The following SH3RF2 variants were observed in gnomAD, a reference collection of about 807,000 sequenced individuals.
The protein encoded by SH3RF2 is SH3 domain containing ring finger 2, also known as E3 ubiquitin-protein ligase SH3RF2.
SH3RF2 carries 43 observed loss-of-function variants against 59.0 expected under a neutral mutation model. The ratio of observed to expected loss-of-function variants is 0.73; its 90% confidence interval spans 0.57 to 0.94. The LOEUF is 0.94. SH3RF2 is among the 40% of genes least tolerant of loss of function. The pLI is 0.00. For missense variants in SH3RF2, 930 were observed against 940.1 expected (o/e 0.99, Z 0.14); for synonymous variants, 391 against 391.5 (o/e 1.00, Z 0.01).
intron 5 of SH3RF2, among the ~76,000 whole-genome samples, chr5:146,036,113 G>A (rs115776705): frequency 0.011 from 1,622 of 152,288 alleles, 11 homozygotes; most frequent in Non-Finnish European, 0.015. Context: ...GTTAGGATGA[G>A]GAGGGCAAGG....
chr5:145,981,801 A>C (rs934730088), intron 2 of SH3RF2, among the ~76,000 whole-genome samples: 1 of 152,224 alleles, frequency 6.6e-6, no homozygotes, highest in Non-Finnish European at 1.5e-5. Flanking sequence ...ATAACCACAG[A>C]TGGGCAGTGG....
chr5:145,962,309 G>A (rs181594594), intron 2 of SH3RF2, among the ~76,000 whole-genome samples: 70 of 152,286 alleles, frequency 4.6e-4, no homozygotes, highest in African/African-American at 1.5e-3. Context: ...GATCCTGTGC[G>A]ACAAATATCT....
intron 2 of SH3RF2, among the ~76,000 whole-genome samples, chr5:145,956,521 C>T (rs1259217243): frequency 2.0e-5 from 3 of 152,188 alleles, no homozygotes; most frequent in African/African-American, 7.2e-5. Flanking sequence ...AGTGATCCAC[C>T]TGCCTCAGCC....
At chr5:146,002,022 G>T (rs1417413902) in intron 3 of SH3RF2, among the ~76,000 whole-genome samples, 1 of 152,168 alleles carries the variant, frequency 6.6e-6, no homozygotes, top group Non-Finnish European at 1.5e-5. Flanking sequence ...ATGCATGCAT[G>T]CATTCAATAA....
At chr5:146,035,312 T>C (rs1235360193) in intron 5 of SH3RF2, among the ~76,000 whole-genome samples, 1 of 152,154 alleles carries the variant, frequency 6.6e-6, no homozygotes, top group Non-Finnish European at 1.5e-5. Context: ...AAATTATTTC[T>C]GGGCTCACTA....
At chr5:145,987,449 A>G (rs1056843148) in intron 2 of SH3RF2, among the ~76,000 whole-genome samples, 4 of 152,352 alleles carry the variant, frequency 2.6e-5, no homozygotes, top group Non-Finnish European at 4.4e-5. Flanking sequence ...AAAACATTAA[A>G]ATAAATAAAG....
rs543030923 is a variant in SH3RF2, at chr5:146,080,236, T to C, written c.*1810T>C. 2.0e-5 allele frequency: 3 copies of C among 152,218 alleles called. No homozygotes were observed. In the South Asian group the frequency reaches 6.2e-4, roughly 32 times the overall value. 9.4% of individuals were successfully genotyped at this position (152,218 alleles called of 1,614,324 possible). On this transcript the variant is annotated 3_prime_UTR_variant, in exon 10 of 10. Transcript: ENST00000511217. ...ATCTGAGTTGCATCTCCCGGAAATA[T>C]TGTTTCTTATTATTACACTTTGGGT...
chr5:146,022,874 A>AACACACACACAC (rs57377156), intron 5 of SH3RF2, among the ~76,000 whole-genome samples: 94 of 142,042 alleles, frequency 6.6e-4, no homozygotes, highest in African/African-American at 2.5e-3. Flanking sequence ...GCTCCATCTA[A>AACACACACACAC]ACACACACAC....
At chr5:145,995,361 G>A (rs1760107184) in intron 2 of SH3RF2, among the ~76,000 whole-genome samples, 1 of 152,202 alleles carries the variant, frequency 6.6e-6, no homozygotes, top group Non-Finnish European at 1.5e-5. Context: ...ATGGAAAATT[G>A]AGAGGAAGAA....
chr5:145,971,788 C>T (rs1399182229), intron 2 of SH3RF2, among the ~76,000 whole-genome samples: 1 of 152,160 alleles, frequency 6.6e-6, no homozygotes, highest in Non-Finnish European at 1.5e-5. Context: ...AAGCTACCAC[C>T]TCTGGAATAA....
intron 2 of SH3RF2, among the ~76,000 whole-genome samples, chr5:145,963,157 A>G (rs973788364): frequency 1.3e-5 from 2 of 151,906 alleles, no homozygotes; most frequent in Admixed American, 1.3e-4. Flanking sequence ...TCGGCCTCCC[A>G]AAGTGCTGGG....
intron 2 of SH3RF2, among the ~76,000 whole-genome samples, chr5:145,975,713 G>A (rs1268910964): frequency 6.6e-6 from 1 of 152,218 alleles, no homozygotes; most frequent in Admixed American, 6.5e-5. Context: ...ACTTAACACA[G>A]GACCACTGGA....
chr5:145,968,617 G>T (rs1758954279), intron 2 of SH3RF2, among the ~76,000 whole-genome samples: 1 of 151,872 alleles, frequency 6.6e-6, no homozygotes, highest in Non-Finnish European at 1.5e-5. Flanking sequence ...AAAAAGAAAG[G>T]TGAAATTAAT....
intron 4 of SH3RF2, among the ~76,000 whole-genome samples, chr5:146,006,213 G>A (rs1160211268): frequency 3.3e-5 from 5 of 152,130 alleles, no homozygotes; most frequent in African/African-American, 4.8e-5. Context: ...ACTTGAGCCC[G>A]AGAGATTGAG....
chr5:146,001,822 C>T (rs1251919129), intron 3 of SH3RF2, among the ~76,000 whole-genome samples: 2 of 152,142 alleles, frequency 1.3e-5, no homozygotes, highest in East Asian at 3.9e-4. Flanking sequence ...GAAATTATGA[C>T]AAAGAAACCA....
chr5:146,018,670 TG>T, intron 5 of SH3RF2, among the ~76,000 whole-genome samples: 1 of 152,232 alleles, frequency 6.6e-6, no homozygotes, highest in South Asian at 2.1e-4. Flanking sequence ...TGGGATCAAA[TG>T]GTAGATCTAT....
chr5:145,956,259 C>G (rs1047257589), intron 2 of SH3RF2, among the ~76,000 whole-genome samples: 3 of 152,016 alleles, frequency 2.0e-5, no homozygotes, highest in African/African-American at 7.2e-5. Context: ...AGAAAGCATT[C>G]TTTTGCTTTT....
Position 146,063,049 on chromosome 5 carries a change from G to A in SH3RF2, c.*348G>A, listed in dbSNP as rs191081285. On this transcript the variant is annotated 3_prime_UTR_variant, in exon 10 of 10. Coordinates refer to ENST00000359120, the MANE Select transcript of SH3RF2 (RefSeq NM_152550.4). ...AGAATTTCTATGGTGTCCTAAAGGG[G>A]GCTGCAGCAGGGGTGTGACAACGGT... is the stretch of plus-strand genomic sequence containing the variant. 3.3e-4 allele frequency: 85 copies of A among 257,162 alleles called. No homozygotes were observed. The East Asian group carries it at 8.2e-3, about 25-fold the overall frequency. 15.9% of individuals were successfully genotyped at this position (257,162 alleles called of 1,614,324 possible). A position where few individuals can be genotyped will look rare whatever the true frequency, so the allele number is the denominator to read the frequency against.
chr5:145,980,010 C>A (rs1432779), intron 2 of SH3RF2, among the ~76,000 whole-genome samples: 1 of 152,024 alleles, frequency 6.6e-6, no homozygotes, highest in Non-Finnish European at 1.5e-5. Context: ...ATGCTCAGCA[C>A]GGGGCAATGC....
Sources: allele counts gnomAD v4.1 joint callset (sites outside exome capture counted in the v4.1 genomes callset), GRCh38; gene constraint gnomAD v4.1.1; transcripts MANE v1.5; gene names NCBI Gene and HGNC (gene_info 2026-07-23, HGNC 2026-07-21).